Variants in LRMDA observed in about 807,000 individuals in gnomAD.
LRMDA encodes leucine-rich melanocyte differentiation-associated protein.
In LRMDA, 18 loss-of-function variants were observed where a neutral mutation model predicts 29.8. That is an observed-to-expected ratio of 0.60 (90% CI 0.42 to 0.90). The LOEUF (loss-of-function observed/expected upper bound fraction) is 0.90, where lower values mean the gene tolerates loss of function less well. Among genes scored for constraint, LRMDA ranks in the 40% least tolerant of loss-of-function variants. The pLI is 0.00. For missense variants in LRMDA, 273 were observed against 273.9 expected (o/e 1.00, Z 0.02); for synonymous variants, 125 against 109.4 (o/e 1.14, Z -0.89).
chr10:76,392,281 G>T (rs1249206563), intron 6 of LRMDA, among the ~76,000 whole-genome samples: 1 of 151,976 alleles, frequency 6.6e-6, no homozygotes, highest in Non-Finnish European at 1.5e-5. Context: ...TAACAAACTT[G>T]TTCTATCTGC....
chr10:76,441,421 GTCA>G (rs1251596665), intron 6 of LRMDA, among the ~76,000 whole-genome samples: 1 of 152,124 alleles, frequency 6.6e-6, no homozygotes, highest in East Asian at 1.9e-4. Flanking sequence ...CCACGGTTAT[GTCA>G]TCTGTAAAAT....
At chr10:75,569,546 A>G (rs556480504) in intron 2 of LRMDA, among the ~76,000 whole-genome samples, 1 of 152,364 alleles carries the variant, frequency 6.6e-6, no homozygotes, top group East Asian at 1.9e-4. Context: ...AAACCCAGAT[A>G]TAAAATTTTC....
intron 2 of LRMDA, among the ~76,000 whole-genome samples, chr10:75,839,902 G>A (rs1050442119): frequency 2.6e-5 from 4 of 152,018 alleles, no homozygotes; most frequent in Non-Finnish European, 5.9e-5. Context: ...TAGAGACGGG[G>A]TTTCACCGTA....
intron 2 of LRMDA, among the ~76,000 whole-genome samples, chr10:75,640,642 C>A (rs544216690): frequency 4.5e-4 from 69 of 152,338 alleles, no homozygotes; most frequent in Non-Finnish European, 2.5e-4. Context: ...AGGCCCCTCT[C>A]CCATCTGCAG....
chr10:75,846,733 C>G lies in LRMDA; in HGVS notation c.132-189275C>G, dbSNP rs1021537398. On this transcript the variant is annotated intron_variant, in intron 2 of 6. Transcript: ENST00000611255. ...GATACCAAAAACAAACCCCCCACCA[C>G]CAACAAAAACCAAAGCAGAACAAAC... Among the ~76,000 whole-genome samples, 2 of 151,976 alleles carry G rather than the reference C, an allele frequency of 1.3e-5. 1 individual carries two copies. Among genetic ancestry groups the G allele is most frequent in the South Asian group, 4.2e-4 (2 of 4,808 alleles).
At chr10:76,221,142 A>G (rs1331605703) in intron 5 of LRMDA, among the ~76,000 whole-genome samples, 2 of 152,096 alleles carry the variant, frequency 1.3e-5, no homozygotes, top group African/African-American at 4.8e-5. Context: ...AGAGCTATCT[A>G]TGACAAACCC....
intron 2 of LRMDA, among the ~76,000 whole-genome samples, chr10:75,733,222 A>G (rs1308717840): frequency 6.6e-6 from 1 of 152,212 alleles, no homozygotes; most frequent in Non-Finnish European, 1.5e-5. Context: ...ATCAAAGAGA[A>G]CATGCATAGA....
At chr10:76,259,488 A>G (rs1484441468) in intron 5 of LRMDA, among the ~76,000 whole-genome samples, 1 of 152,084 alleles carries the variant, frequency 6.6e-6, no homozygotes, top group African/African-American at 2.4e-5. Flanking sequence ...GGTGTAACAT[A>G]TGGTCTATCC....
chr10:76,493,181 A>G (rs1007857040), intron 6 of LRMDA, among the ~76,000 whole-genome samples: 2 of 152,022 alleles, frequency 1.3e-5, no homozygotes, highest in Non-Finnish European at 2.9e-5. Context: ...CTGATGCTTT[A>G]TTTATTGCAC....
At chr10:76,274,492 A>G (rs1220358944) in intron 5 of LRMDA, among the ~76,000 whole-genome samples, 1 of 152,166 alleles carries the variant, frequency 6.6e-6, no homozygotes, top group Non-Finnish European at 1.5e-5. Flanking sequence ...TATTGTATGC[A>G]TCTGTGTGTG....
At chr10:75,900,124 T>G (rs534068090) in intron 2 of LRMDA, among the ~76,000 whole-genome samples, 1 of 152,214 alleles carries the variant, frequency 6.6e-6, no homozygotes, top group Non-Finnish European at 1.5e-5. Context: ...AATTACTGAT[T>G]GTATACCAGA....
At chr10:76,503,975 A>G (rs749280579) in intron 6 of LRMDA, among the ~76,000 whole-genome samples, 5 of 151,368 alleles carry the variant, frequency 3.3e-5, no homozygotes, top group Non-Finnish European at 7.4e-5. Flanking sequence ...ACTATAAACT[A>G]TCTCCTTTTA....
At chr10:76,077,191 C>T (rs573694664) in intron 5 of LRMDA, among the ~76,000 whole-genome samples, 1 of 152,332 alleles carries the variant, frequency 6.6e-6, no homozygotes, top group South Asian at 2.1e-4. Context: ...ATGACATATT[C>T]ATGTCCTGGT....
intron 6 of LRMDA, among the ~76,000 whole-genome samples, chr10:76,329,193 C>T (rs1011389482): frequency 2.6e-5 from 4 of 152,168 alleles, no homozygotes; most frequent in Admixed American, 6.5e-5. Flanking sequence ...TCACTGAAGG[C>T]GATTCTCCGA....
chr10:75,602,586 A>G (rs541515675), intron 2 of LRMDA, among the ~76,000 whole-genome samples: 4 of 152,058 alleles, frequency 2.6e-5, no homozygotes, highest in South Asian at 4.1e-4. Flanking sequence ...GGAAAACTCT[A>G]TTTATCTAGG....
chr10:75,733,815 G>A (rs1589176923), intron 2 of LRMDA, among the ~76,000 whole-genome samples: 1 of 152,204 alleles, frequency 6.6e-6, no homozygotes, highest in East Asian at 1.9e-4. Flanking sequence ...GGGGGATAAA[G>A]ATGTTGGGGA....
At chr10:76,360,836 CTT>C (rs950819079) in intron 6 of LRMDA, among the ~76,000 whole-genome samples, 34 of 152,180 alleles carry the variant, frequency 2.2e-4, no homozygotes, top group Non-Finnish European at 1.9e-4. Context: ...TCTGGGTACT[CTT>C]TTAAAATGCA....
At chr10:75,883,502 T>G (rs1845328325) in intron 2 of LRMDA, 1 of 152,198 alleles carries the variant, frequency 6.6e-6, no homozygotes, top group Non-Finnish European at 1.5e-5. Flanking sequence ...CATTACATGT[T>G]AATACCACCA....
intron 2 of LRMDA, among the ~76,000 whole-genome samples, chr10:75,577,225 G>A (rs996064981): frequency 3.3e-5 from 5 of 152,084 alleles, no homozygotes; most frequent in Non-Finnish European, 5.9e-5. Context: ...AACACAGCAC[G>A]AGAACTTCGT....
Sources: gnomAD v4.1 joint callset for allele counts (sites outside exome capture counted in the v4.1 genomes callset) on GRCh38, gnomAD v4.1.1 for gene constraint, MANE v1.5 for transcripts, NCBI Gene and HGNC (gene_info 2026-07-23, HGNC 2026-07-21) for gene names.